Variants in SORCS1 observed in about 807,000 individuals in gnomAD.
SORCS1 encodes the protein sortilin related VPS10 domain containing receptor 1, also known as VPS10 domain-containing receptor SorCS1.
Under a neutral mutation model 146.1 loss-of-function variants are expected in SORCS1, and 60 were observed. The ratio of observed to expected loss-of-function variants is 0.41; its 90% CI spans 0.33 to 0.51. The LOEUF (loss-of-function observed/expected upper bound fraction) is 0.51, where lower values mean the gene tolerates loss of function less well. SORCS1 is among the 20% of genes least tolerant of loss of function. The pLI, the probability that SORCS1 is intolerant of heterozygous loss-of-function variation, is 0.21. For synonymous variants in SORCS1, 637 were observed against 584.0 expected, an observed-to-expected ratio of 1.09 and a Z score of -1.31; for missense variants, 1,352 against 1,487.6, an observed-to-expected ratio of 0.91 and a Z score of 1.50.
At chr10:107,174,785 G>T in the SORCS1 span, among the ~76,000 whole-genome samples, 1 of 151,774 alleles carries the variant, frequency 6.6e-6, no homozygotes, top group African/African-American at 2.4e-5. Context: ...TGATTGTTTG[G>T]CTAGCAAGAT....
At chr10:107,029,064 T>A (rs1958530501) in intron 1 of SORCS1, among the ~76,000 whole-genome samples, 1 of 152,224 alleles carries the variant, frequency 6.6e-6, no homozygotes, top group Non-Finnish European at 1.5e-5. Flanking sequence ...CCAAATAATT[T>A]TCTTAACTTT....
chr10:106,783,217 T>C, intron 3 of SORCS1, among the ~76,000 whole-genome samples: 1 of 152,244 alleles, frequency 6.6e-6, no homozygotes, highest in East Asian at 1.9e-4. Context: ...CTGCTAAAGC[T>C]TTAAACTAAA....
intron 1 of SORCS1, among the ~76,000 whole-genome samples, chr10:107,158,647 G>A (rs1446731870): frequency 2.0e-5 from 3 of 152,126 alleles, no homozygotes; most frequent in African/African-American, 7.2e-5. Flanking sequence ...AGCTCATTGA[G>A]GGCAGGAATT....
chr10:106,607,691 G>C lies in SORCS1; in HGVS notation c.3034-394C>G, dbSNP rs1043159771. Reference sequence around the variant, plus strand: ...ATTCAAATGTTAGCTCTTTTTGCTAGAGAGCATCTCCAAGGTGGTGACCAT... The same window carrying C: ...ATTCAAATGTTAGCTCTTTTTGCTACAGAGCATCTCCAAGGTGGTGACCAT... On this transcript the variant is annotated intron_variant, in intron 22 of 25. Transcript: ENST00000263054. Among the ~76,000 whole-genome samples, 4 of 152,122 alleles carry C rather than the reference G, an allele frequency of 2.6e-5. No individual in the cohort carries two copies. The East Asian group carries it at 5.8e-4, about 22-fold the overall frequency.
chr10:106,806,055 G>A (rs182323444), intron 3 of SORCS1, among the ~76,000 whole-genome samples: 45 of 74,848 alleles, frequency 6.0e-4, no homozygotes, highest in Middle Eastern at 9.8e-3. Flanking sequence ...ACTAGACTCC[G>A]TCTCAAAAAA....
chr10:106,854,461 A>G lies in SORCS1; in HGVS notation c.627-24788T>C, dbSNP rs895614300. On this transcript the variant is annotated intron_variant, in intron 2 of 25. Transcript: ENST00000263054. ...CCACTGACATTTAAAGTGATTATTA[A>G]TATAGTTGGATTATTGCCTATCACA... is the stretch of plus-strand genomic sequence containing the variant. Among the ~76,000 whole-genome samples, 3 of 146,776 alleles carry G rather than the reference A, an allele frequency of 2.0e-5. No homozygotes were observed. In the East Asian group the frequency reaches 7.3e-4, roughly 36 times the overall value.
intron 1 of SORCS1, among the ~76,000 whole-genome samples, chr10:107,048,468 C>T (rs1236615077): frequency 6.6e-6 from 1 of 152,208 alleles, no homozygotes; most frequent in East Asian, 1.9e-4. Context: ...GGTATAAATT[C>T]CACCAAAGTA....
chr10:106,911,396 G>A (rs937245140), intron 2 of SORCS1, among the ~76,000 whole-genome samples: 7 of 152,066 alleles, frequency 4.6e-5, no homozygotes, highest in African/African-American at 1.7e-4. Context: ...CACCACCCTC[G>A]TGTCCACTGA....
intron 1 of SORCS1, among the ~76,000 whole-genome samples, chr10:107,120,408 A>T (rs559120447): frequency 5.3e-5 from 8 of 152,358 alleles, no homozygotes; most frequent in Admixed American, 2.0e-4. Flanking sequence ...CCTGGAAGAC[A>T]TGATTGTACA....
chr10:107,048,523 C>T lies in SORCS1; in HGVS notation c.559-91943G>A, dbSNP rs542570061. Among the ~76,000 whole-genome samples the T allele has an allele frequency of 2.0e-5, 3 of 152,268 alleles. No individual in the cohort carries two copies. The East Asian group carries it at 5.8e-4, about 29-fold the overall frequency. On this transcript the variant is annotated intron_variant, in intron 1 of 25. Coordinates refer to ENST00000263054, the MANE Select transcript of SORCS1 (RefSeq NM_052918.5). ...ACTGCGGTAGCCCCAATGACTAGGA[C>T]TTTTCCAGGGATGTGATATTTGCAA...
chr10:106,909,154 G>T (rs895821343), intron 2 of SORCS1, among the ~76,000 whole-genome samples: 2 of 152,160 alleles, frequency 1.3e-5, no homozygotes, highest in Non-Finnish European at 2.9e-5. Context: ...TTGGGAGAGA[G>T]GTTCTGACAC....
chr10:106,582,262 A>G (rs147208654), intron 24 of SORCS1, among the ~76,000 whole-genome samples: 4 of 152,342 alleles, frequency 2.6e-5, no homozygotes, highest in Non-Finnish European at 5.9e-5. Flanking sequence ...TTCAACAAGC[A>G]GCATTAACAC....
At chr10:106,809,374 G>C (rs568237660) in intron 3 of SORCS1, among the ~76,000 whole-genome samples, 1 of 152,114 alleles carries the variant, frequency 6.6e-6, no homozygotes, top group Non-Finnish European at 1.5e-5. Context: ...CTGCTGCCAG[G>C]CTGCCCTTTT....
At chr10:107,124,601 T>G (rs1422161494) in intron 1 of SORCS1, among the ~76,000 whole-genome samples, 1 of 152,020 alleles carries the variant, frequency 6.6e-6, no homozygotes, top group Admixed American at 6.5e-5. Flanking sequence ...TGGGAACTGG[T>G]GGTCGACGTG....
chr10:107,136,842 C>G (rs1967343922), intron 1 of SORCS1, among the ~76,000 whole-genome samples: 1 of 152,166 alleles, frequency 6.6e-6, no homozygotes, highest in Admixed American at 6.5e-5. Flanking sequence ...CCTCCCTGCA[C>G]TCCACCAGAA....
intron 1 of SORCS1, among the ~76,000 whole-genome samples, chr10:107,096,265 T>C (rs1964539147): frequency 6.6e-6 from 1 of 152,228 alleles, no homozygotes; most frequent in Non-Finnish European, 1.5e-5. Flanking sequence ...TTGAAGCCTT[T>C]GTGCTTTGCT....
intron 1 of SORCS1, among the ~76,000 whole-genome samples, chr10:107,009,312 C>T (rs2139712791): frequency 6.6e-6 from 1 of 152,284 alleles, no homozygotes; most frequent in South Asian, 2.1e-4. Context: ...GCACCATTTT[C>T]AATTACAGTT....
At chr10:107,006,673 C>T (rs945963371) in intron 1 of SORCS1, among the ~76,000 whole-genome samples, 4 of 152,066 alleles carry the variant, frequency 2.6e-5, no homozygotes, top group African/African-American at 4.8e-5. Context: ...AAAAATTAGC[C>T]GGATGTGGTG....
At chr10:107,017,357 A>G (rs1229464843) in intron 1 of SORCS1, among the ~76,000 whole-genome samples, 1 of 152,246 alleles carries the variant, frequency 6.6e-6, no homozygotes, top group Non-Finnish European at 1.5e-5. Flanking sequence ...ACCAATATAA[A>G]TAAATCTCAG....
Sources: gnomAD v4.1 joint callset for allele counts (sites outside exome capture counted in the v4.1 genomes callset) on GRCh38, gnomAD v4.1.1 for gene constraint, MANE v1.5 for transcripts, NCBI Gene and HGNC (gene_info 2026-07-23, HGNC 2026-07-21) for gene names.